LRRC4C: variants seen among roughly 807,000 people sequenced by gnomAD.
LRRC4C encodes the protein leucine-rich repeat-containing protein 4C.
A neutral mutation model predicts 33.6 loss-of-function variants in LRRC4C; 5 were observed. That is an observed-to-expected ratio of 0.15 (90% CI 0.08 to 0.31). The LOEUF (loss-of-function observed/expected upper bound fraction) is 0.31. Among genes scored for constraint, LRRC4C ranks in the 10% least tolerant of loss-of-function variants. The probability of loss-of-function intolerance (pLI) is 1.00; values close to 1 mark genes in which losing one functional copy is unlikely to be tolerated. For synonymous variants in LRRC4C, 329 were observed against 302.0 expected (o/e 1.09, Z -0.93); for missense variants, 560 against 796.7 (o/e 0.70, Z 3.58).
chr11:41,228,852 T>C (rs2136443089), intron 1 of LRRC4C, among the ~76,000 whole-genome samples: 1 of 152,274 alleles, frequency 6.6e-6, no homozygotes, highest in South Asian at 2.1e-4. Context: ...TACAAATGTA[T>C]TTGCTCACAA....
At chr11:41,421,972 C>T in intron 1 of LRRC4C, among the ~76,000 whole-genome samples, 1 of 151,928 alleles carries the variant, frequency 6.6e-6, no homozygotes, top group Middle Eastern at 3.2e-3. Context: ...TGTATTTTTC[C>T]TGAAATACAT....
At chr11:40,883,341 A>G (rs886431524) in intron 2 of LRRC4C, among the ~76,000 whole-genome samples, 12 of 152,078 alleles carry the variant, frequency 7.9e-5, no homozygotes, top group African/African-American at 2.9e-4. Flanking sequence ...CTAGGAAAAC[A>G]TGGCTTCAGT....
At chr11:41,161,417 G>A (rs1944465713) in intron 1 of LRRC4C, among the ~76,000 whole-genome samples, 1 of 152,144 alleles carries the variant, frequency 6.6e-6, no homozygotes, top group South Asian at 2.1e-4. Flanking sequence ...CATATGCTAT[G>A]TAATATTCTC....
At chr11:40,914,102 A>G (rs564267800) in intron 2 of LRRC4C, among the ~76,000 whole-genome samples, 35 of 152,270 alleles carry the variant, frequency 2.3e-4, no homozygotes, top group Non-Finnish European at 4.4e-4. Context: ...ATTCACAGCC[A>G]AATTCTACCA....
At chr11:40,960,356 T>C (rs1850891709) in intron 1 of LRRC4C, among the ~76,000 whole-genome samples, 1 of 151,812 alleles carries the variant, frequency 6.6e-6, no homozygotes, top group Non-Finnish European at 1.5e-5. Context: ...GAACTTAGTA[T>C]TTATTCTATA....
intron 1 of LRRC4C, among the ~76,000 whole-genome samples, chr11:41,212,137 A>C (rs1315933460): frequency 6.6e-6 from 1 of 152,222 alleles, no homozygotes; most frequent in Admixed American, 6.5e-5. Flanking sequence ...ATCAGAGACA[A>C]TATTGAAAGT....
At chr11:40,589,133 A>G (rs1314427876) in intron 3 of LRRC4C, among the ~76,000 whole-genome samples, 4 of 152,088 alleles carry the variant, frequency 2.6e-5, no homozygotes, top group Non-Finnish European at 5.9e-5. Context: ...TAGGTCACTC[A>G]GGACTTGCTT....
At chr11:40,687,821 T>C (rs1402975834) in intron 2 of LRRC4C, among the ~76,000 whole-genome samples, 1 of 152,144 alleles carries the variant, frequency 6.6e-6, no homozygotes. Context: ...ATTTATTCAT[T>C]AGCTGTTACA....
At chr11:40,232,650 C>T (rs188333391) in intron 5 of LRRC4C, among the ~76,000 whole-genome samples, 16 of 152,286 alleles carry the variant, frequency 1.1e-4, no homozygotes, top group Admixed American at 2.0e-4. Flanking sequence ...AACTGCAATT[C>T]TTCAGAATGT....
chr11:41,079,677 C>T (rs981856835), intron 1 of LRRC4C, among the ~76,000 whole-genome samples: 1 of 152,198 alleles, frequency 6.6e-6, no homozygotes, highest in Non-Finnish European at 1.5e-5. Context: ...TAGAACAAAG[C>T]TTGTCCAACC....
chr11:41,174,401 A>T (rs947548431), intron 1 of LRRC4C, among the ~76,000 whole-genome samples: 1 of 152,144 alleles, frequency 6.6e-6, no homozygotes, highest in African/African-American at 2.4e-5. Context: ...AAAATAATGT[A>T]TTATGAAGTC....
chr11:40,759,828 C>A (rs189513329), intron 2 of LRRC4C, among the ~76,000 whole-genome samples: 23 of 151,908 alleles, frequency 1.5e-4, no homozygotes, highest in African/African-American at 5.5e-4. Context: ...ACTAAGGGAA[C>A]TTCTAGCCAA....
chr11:41,026,142 T>C (rs1369433418), intron 1 of LRRC4C, among the ~76,000 whole-genome samples: 3 of 151,736 alleles, frequency 2.0e-5, no homozygotes, highest in Non-Finnish European at 4.4e-5. Flanking sequence ...GCTGACATAG[T>C]GATTCCTCTG....
At chr11:41,141,613 A>G (rs1943510804) in intron 1 of LRRC4C, among the ~76,000 whole-genome samples, 1 of 151,972 alleles carries the variant, frequency 6.6e-6, no homozygotes, top group Non-Finnish European at 1.5e-5. Context: ...TGCTCTTCTT[A>G]TGATAGTAAG....
intron 2 of LRRC4C, among the ~76,000 whole-genome samples, chr11:40,878,076 A>T (rs1954995115): frequency 6.6e-6 from 1 of 152,054 alleles, no homozygotes; most frequent in African/African-American, 2.4e-5. Flanking sequence ...CATTTTGGCT[A>T]GGGCTTGTGA....
At chr11:40,176,576 G>A (rs1860510394) in intron 5 of LRRC4C, among the ~76,000 whole-genome samples, 1 of 136,658 alleles carries the variant, frequency 7.3e-6, no homozygotes, top group Admixed American at 7.7e-5. Flanking sequence ...GTCTCACTCT[G>A]TTGCCCAGGC....
intron 1 of LRRC4C, among the ~76,000 whole-genome samples, chr11:41,036,943 A>G (rs1366013436): frequency 2.0e-5 from 3 of 152,204 alleles, no homozygotes; most frequent in Non-Finnish European, 4.4e-5. Flanking sequence ...CTGTTTTTAC[A>G]ATTTATAGAC....
intron 1 of LRRC4C, among the ~76,000 whole-genome samples, chr11:41,354,964 A>G: frequency 6.6e-6 from 1 of 152,154 alleles, no homozygotes; most frequent in East Asian, 1.9e-4. Flanking sequence ...AAAGTCTCCA[A>G]AAGCAATTGC....
intron 1 of LRRC4C, among the ~76,000 whole-genome samples, chr11:41,451,758 AGAACAG>A (rs1283118843): frequency 6.6e-6 from 1 of 152,176 alleles, no homozygotes; most frequent in Admixed American, 6.6e-5. Context: ...CACTGGAATC[AGAACAG>A]GTTGACTGAT....
Sources: allele counts gnomAD v4.1 joint callset (sites outside exome capture counted in the v4.1 genomes callset), GRCh38; gene constraint gnomAD v4.1.1; transcripts MANE v1.5; gene names NCBI Gene and HGNC (gene_info 2026-07-23, HGNC 2026-07-21).